The following NYAP2 variants were observed in gnomAD, a reference collection of about 807,000 sequenced individuals.
The protein encoded by NYAP2 is neuronal tyrosine-phosphorylated phosphoinositide-3-kinase adapter 2.
NYAP2 carries 23 observed loss-of-function variants against 50.4 expected under a neutral mutation model. The observed-to-expected ratio is 0.46, with a 90% CI of 0.33 to 0.65. NYAP2 has a LOEUF of 0.65. Among genes scored for constraint, NYAP2 ranks in the 30% least tolerant of loss-of-function variants. NYAP2 has a pLI of 0.02. For synonymous variants in NYAP2, 394 were observed against 365.2 expected (o/e 1.08, Z -0.90); for missense variants, 885 against 861.0 (o/e 1.03, Z -0.35).
intron 4 of NYAP2, among the ~76,000 whole-genome samples, chr2:225,515,836 A>G (rs1690921487): frequency 6.6e-6 from 1 of 152,142 alleles, no homozygotes; most frequent in African/African-American, 2.4e-5. Flanking sequence ...GATTTAAGAA[A>G]GTGATCACTG....
At chr2:225,619,542 A>G (rs1327019553) in intron 5 of NYAP2, among the ~76,000 whole-genome samples, 2 of 152,180 alleles carry the variant, frequency 1.3e-5, no homozygotes, top group Non-Finnish European at 2.9e-5. Context: ...CCACTAATGT[A>G]TGGGGTCAGA....
intron 4 of NYAP2, among the ~76,000 whole-genome samples, chr2:225,518,538 ATATATATATATATATATATATATATATAT>A (rs1559202451): frequency 1.2e-4 from 7 of 60,202 alleles, no homozygotes; most frequent in South Asian, 1.6e-3. Flanking sequence ...ATATATATAT[ATATATATATATATATATATATATATATAT>A]ATTAGCGTGT....
intron 5 of NYAP2, among the ~76,000 whole-genome samples, chr2:225,596,692 T>G (rs1389887485): frequency 1.3e-5 from 2 of 152,188 alleles, no homozygotes; most frequent in African/African-American, 2.4e-5. Context: ...TTGTAGAGAA[T>G]GCCAAGATCA....
At chr2:225,686,898 G>A in the NYAP2 span, among the ~76,000 whole-genome samples, 1 of 152,124 alleles carries the variant, frequency 6.6e-6, no homozygotes, top group Non-Finnish European at 1.5e-5. Context: ...ATCCATCAAA[G>A]TTTTGATTAA....
intron 3 of NYAP2, among the ~76,000 whole-genome samples, chr2:225,464,947 C>G (rs1242486663): frequency 6.6e-6 from 1 of 152,156 alleles, no homozygotes; most frequent in Non-Finnish European, 1.5e-5. Context: ...GTGTAACAAC[C>G]TCAGCATAGG....
intron 6 of NYAP2, among the ~76,000 whole-genome samples, chr2:225,645,855 C>T (rs1358391399): frequency 6.6e-6 from 1 of 152,200 alleles, no homozygotes; most frequent in African/African-American, 2.4e-5. Flanking sequence ...AAGAGCATTG[C>T]ATTTCCAAAG....
chr2:225,635,720 TG>T (rs1693402929), intron 6 of NYAP2, among the ~76,000 whole-genome samples: 1 of 152,226 alleles, frequency 6.6e-6, no homozygotes. Flanking sequence ...CTTTTTGGGT[TG>T]CCTTGAGTCT....
At chr2:225,536,582 A>T (rs1448217800) in intron 4 of NYAP2, among the ~76,000 whole-genome samples, 1 of 152,020 alleles carries the variant, frequency 6.6e-6, no homozygotes, top group Non-Finnish European at 1.5e-5. Flanking sequence ...TTAATGGGGT[A>T]CATAAGATAT....
At chr2:225,593,550 A>G (rs764666427) in intron 5 of NYAP2, among the ~76,000 whole-genome samples, 11 of 152,166 alleles carry the variant, frequency 7.2e-5, no homozygotes, top group Non-Finnish European at 1.3e-4. Flanking sequence ...TTCTTATGCT[A>G]TTGTCTTTGA....
In NYAP2 at chr2:225,574,650, G is replaced by A. The variant is rs1692135873; in HGVS notation, c.524-7291G>A. On this transcript the variant is annotated intron_variant, in intron 4 of 6. Transcript: ENST00000636099. ...GTTGCCAAGTATTCTTATAATTTTT[G>A]TGGGCTTTCTATGAATGAGATCATA... 2.0e-5 allele frequency among the ~76,000 whole-genome samples: 3 copies of A among 150,894 alleles called. 1 individual carries two copies. Among genetic ancestry groups the A allele is most frequent in the Admixed American group, 1.3e-4 (2 of 15,230 alleles).
chr2:225,416,269 T>C (rs1259467560), intron 3 of NYAP2, among the ~76,000 whole-genome samples: 1 of 152,174 alleles, frequency 6.6e-6, no homozygotes, highest in Non-Finnish European at 1.5e-5. Flanking sequence ...AAAAATCAAA[T>C]GCATGGGCAA....
At position 225,582,522 on chromosome 2, in the gene NYAP2, G is replaced by A. The variant is rs779080931; in HGVS notation, c.1105G>A (p.Val369Met). Residue 369 changes from valine (V) to methionine (M), a missense_variant, in exon 5 of 7, where the codon GTG becomes ATG. Physicochemically the swap from Val to Met is conservative, Grantham distance 21. Transcript: ENST00000636099. The surrounding 1 kb of genome is among the most constrained non-coding windows in gnomAD (Gnocchi z 7.0). ...CACGAAGCTTCCCGTGCTGGAAAAC[G>A]TGTCTTACATGAAACAGCCAGCCGG... is the stretch of plus-strand genomic sequence containing the variant. 6.6e-5 allele frequency: 103 copies of A among 1,556,650 alleles called. No individual in the cohort carries two copies. Among genetic ancestry groups the A allele is most frequent in the Non-Finnish European group, 8.8e-5 (101 of 1,149,952 alleles).
the NYAP2 span, among the ~76,000 whole-genome samples, chr2:225,660,420 G>A: frequency 2.0e-5 from 3 of 146,666 alleles, no homozygotes; most frequent in African/African-American, 5.0e-5. Flanking sequence ...CGGGACAGCA[G>A]GTATTAGAGA....
At chr2:225,446,238 CTCTCTCTCTA>C (rs1338715126) in intron 3 of NYAP2, among the ~76,000 whole-genome samples, 2 of 104,578 alleles carry the variant, frequency 1.9e-5, no homozygotes, top group African/African-American at 8.2e-5. Flanking sequence ...CTCTCTCTCT[CTCTCTCTCTA>C]TATATATATA....
chr2:225,511,368 A>ACG (rs1406614238), intron 3 of NYAP2, among the ~76,000 whole-genome samples: 31 of 141,096 alleles, frequency 2.2e-4, no homozygotes, highest in African/African-American at 8.7e-4. Flanking sequence ...ACACACACAC[A>ACG]CACACAGAGA....
chr2:225,398,623 G>T (rs1694807874), upstream of NYAP2, among the ~76,000 whole-genome samples: 1 of 53,728 alleles, frequency 1.9e-5, no homozygotes, highest in East Asian at 2.9e-4. Context: ...CCTTCATAAG[G>T]CAGAGAGAGA....
chr2:225,474,516 G>C (rs1208077083), intron 3 of NYAP2, among the ~76,000 whole-genome samples: 1 of 152,082 alleles, frequency 6.6e-6, no homozygotes. Context: ...ACCTTGTAGA[G>C]GTCCTTCACA....
intron 4 of NYAP2, among the ~76,000 whole-genome samples, chr2:225,550,047 T>A (rs1326011742): frequency 2.6e-5 from 4 of 150,962 alleles, no homozygotes; most frequent in African/African-American, 9.7e-5. Flanking sequence ...AAACAATCCA[T>A]GTGAACCTCA....
chr2:225,678,237 A>G, the NYAP2 span, among the ~76,000 whole-genome samples: 1 of 151,986 alleles, frequency 6.6e-6, no homozygotes, highest in East Asian at 1.9e-4. Context: ...GATCTTTTGT[A>G]TTTCTGTGGG....
Sources: allele counts gnomAD v4.1 joint callset (sites outside exome capture counted in the v4.1 genomes callset), GRCh38; gene constraint gnomAD v4.1.1; non-coding constraint Gnocchi (gnomAD v3.1); transcripts MANE v1.5; gene names NCBI Gene and HGNC (gene_info 2026-07-23, HGNC 2026-07-21).